Variants in MLIP observed in about 807,000 individuals in gnomAD.
The protein encoded by MLIP is muscular LMNA interacting protein, also known as muscular LMNA-interacting protein.
MLIP carries 79 observed loss-of-function variants against 84.8 expected under a neutral mutation model. That is an observed-to-expected ratio of 0.93 (90% CI 0.78 to 1.12). The LOEUF (loss-of-function observed/expected upper bound fraction) is 1.12, where lower values mean the gene tolerates loss of function less well. Among genes scored for constraint, MLIP ranks in the 50% most tolerant of loss-of-function variants. The pLI is 0.00. For synonymous variants in MLIP, 504 were observed against 463.0 expected (o/e 1.09, Z -1.14); for missense variants, 1,257 against 1,160.6 (o/e 1.08, Z -1.21).
intron 1 of MLIP, among the ~76,000 whole-genome samples, chr6:54,024,773 G>A (rs1224640260): frequency 2.6e-5 from 4 of 152,120 alleles, no homozygotes; most frequent in Non-Finnish European, 1.5e-5. Flanking sequence ...TTATTCTTCA[G>A]AATGTCTTAA....
intron 12 of MLIP, among the ~76,000 whole-genome samples, chr6:54,249,243 G>C (rs1444267577): frequency 6.6e-6 from 1 of 152,010 alleles, no homozygotes; most frequent in Non-Finnish European, 1.5e-5. Flanking sequence ...AGACTTTAAA[G>C]ATGAAAACCT....
chr6:54,184,854 G>T (rs926032478), intron 9 of MLIP, among the ~76,000 whole-genome samples: 1 of 152,038 alleles, frequency 6.6e-6, no homozygotes, highest in Non-Finnish European at 1.5e-5. Context: ...TGTAGAATAT[G>T]GATTACGAAT....
At chr6:54,231,112 AATAAAC>A (rs137868033) in intron 12 of MLIP, among the ~76,000 whole-genome samples, 195 bp downstream of exon 12, 1,831 of 152,310 alleles carry the variant, frequency 0.012, 38 homozygotes, top group African/African-American at 0.04. Context: ...CTTGGGAAAT[AATAAAC>A]ATTTATATAT....
At chr6:54,038,476 T>C (rs561951226) in intron 1 of MLIP, among the ~76,000 whole-genome samples, 2 of 152,056 alleles carry the variant, frequency 1.3e-5, no homozygotes, top group South Asian at 4.1e-4. Context: ...AAAACTCTGT[T>C]CTTTATAAGA....
chr6:54,190,944 C>T (rs1777859377), intron 10 of MLIP, among the ~76,000 whole-genome samples: 1 of 151,614 alleles, frequency 6.6e-6, no homozygotes, highest in Admixed American at 6.6e-5. Context: ...TACAGGCGCC[C>T]GCCACCGAGC....
intron 9 of MLIP, among the ~76,000 whole-genome samples, 199 bp from the exon 10 acceptor site, chr6:54,189,671 G>A (rs868868300): frequency 1.3e-4 from 20 of 151,976 alleles, no homozygotes; most frequent in Middle Eastern, 6.8e-3. Context: ...AAAATACATA[G>A]GAAAAATATT....
At chr6:54,132,040 T>G (rs1271875859) in intron 3 of MLIP, among the ~76,000 whole-genome samples, 3 of 152,178 alleles carry the variant, frequency 2.0e-5, no homozygotes, top group Non-Finnish European at 4.4e-5. Flanking sequence ...ATGGCAATGT[T>G]CTGCACGTAA....
At chr6:54,132,315 A>T (rs1474163216) in intron 3 of MLIP, among the ~76,000 whole-genome samples, 1 of 152,190 alleles carries the variant, frequency 6.6e-6, no homozygotes, top group Non-Finnish European at 1.5e-5. Context: ...GGGAGCTAGG[A>T]AAAAATTAAA....
rs897387380 is a variant in MLIP, at chr6:54,094,019, G to A, written c.64-27428G>A. Among the ~76,000 whole-genome samples, 76 of 152,136 alleles carry A rather than the reference G, an allele frequency of 5.0e-4. 2 individuals carry two copies. Among genetic ancestry groups the A allele is most frequent in the South Asian group, 2.1e-4 (1 of 4,826 alleles). ...AACAGTAGCTGTTTTTAATTTTAAA[G>A]TGGTAATGGTGATTAAGAGGATAAG... On this transcript the variant is annotated intron_variant, in intron 1 of 12. Transcript: ENST00000274897.
intron 12 of MLIP, among the ~76,000 whole-genome samples, chr6:54,238,044 G>T (rs1207177439): frequency 6.6e-6 from 1 of 151,960 alleles, no homozygotes; most frequent in Non-Finnish European, 1.5e-5. Context: ...ATTTTACAAT[G>T]CATTTAAATT....
At chr6:54,125,072 T>C (rs1233435560) in intron 3 of MLIP, among the ~76,000 whole-genome samples, 1 of 152,252 alleles carries the variant, frequency 6.6e-6, no homozygotes, top group Non-Finnish European at 1.5e-5. Context: ...TAAGCAATTA[T>C]GCTGTGAATT....
At chr6:54,118,875 A>G (rs528696666) in intron 1 of MLIP, among the ~76,000 whole-genome samples, 1 of 152,376 alleles carries the variant, frequency 6.6e-6, no homozygotes, top group East Asian at 1.9e-4. Context: ...GACATCTCTC[A>G]AAAGACACAC....
At chr6:54,203,942 T>C (rs999227941) in intron 11 of MLIP, 2 of 152,218 alleles carry the variant, frequency 1.3e-5, no homozygotes, top group Non-Finnish European at 2.9e-5. Flanking sequence ...CTTTTAAGGA[T>C]CCTTTAAACA....
intron 1 of MLIP, among the ~76,000 whole-genome samples, chr6:54,098,381 G>A (rs1014671142): frequency 2.3e-5 from 3 of 130,626 alleles, no homozygotes; most frequent in Non-Finnish European, 3.1e-5. Context: ...TGCCCAGGCT[G>A]GTCTCAAACT....
At chr6:54,191,195 T>C (rs1777889144) in intron 10 of MLIP, among the ~76,000 whole-genome samples, 1 of 152,186 alleles carries the variant, frequency 6.6e-6, no homozygotes, top group Non-Finnish European at 1.5e-5. Context: ...AGTAAAACAG[T>C]TTGAAACATT....
Position 54,137,116 on chromosome 6 carries a change from A to G in MLIP, c.1047A>G (p.Pro349=), listed in dbSNP as rs780529815. 10 of 1,536,024 alleles carry G rather than the reference A, an allele frequency of 6.5e-6. No homozygotes were observed. The South Asian group carries it at 1.1e-4, about 16-fold the overall frequency. The stretch of plus-strand genomic sequence containing the variant: ...AAAGTCCGAGAACCTCTTCTTCTCC[A>G]CCGTCCTCCAGTGCTTCTCTGAAGT... The part of the protein sequence containing the change: ...HGESPRTSSS[P]PSSSASLKSN... The change falls in exon 4 of 14, where the codon CCA becomes CCG. Residue 349 remains proline, a synonymous_variant. Coordinates refer to ENST00000502396, the MANE Select transcript of MLIP (RefSeq NM_001281747.2).
chr6:54,144,182 G>A (rs937114094), intron 4 of MLIP, among the ~76,000 whole-genome samples: 7 of 152,126 alleles, frequency 4.6e-5, no homozygotes, highest in African/African-American at 1.7e-4. Flanking sequence ...CGGGATCAGG[G>A]CTTGGTTGAG....
chr6:54,112,780 C>G (rs913315062), intron 1 of MLIP, among the ~76,000 whole-genome samples: 3 of 152,070 alleles, frequency 2.0e-5, no homozygotes, highest in Admixed American at 1.3e-4. Context: ...TTTTCAGTTG[C>G]CTTTATTGTC....
At chr6:54,132,366 G>A (rs1292831822) in intron 3 of MLIP, among the ~76,000 whole-genome samples, 1 of 152,180 alleles carries the variant, frequency 6.6e-6, no homozygotes, top group Non-Finnish European at 1.5e-5. Flanking sequence ...CTGATGAAAT[G>A]AGATTTCTAA....
Sources: allele counts gnomAD v4.1 joint callset (sites outside exome capture counted in the v4.1 genomes callset), GRCh38; gene constraint gnomAD v4.1.1; transcripts MANE v1.5; gene names NCBI Gene and HGNC (gene_info 2026-07-23, HGNC 2026-07-21).